Variants in STPG2 observed in about 807,000 individuals in gnomAD.
The protein encoded by STPG2 is sperm tail PG-rich repeat containing 2, also known as sperm-tail PG-rich repeat-containing protein 2.
Under a neutral mutation model 54.2 loss-of-function variants are expected in STPG2, and 56 were observed. The ratio of observed to expected loss-of-function variants is 1.03; its 90% confidence interval spans 0.83 to 1.29. The LOEUF (loss-of-function observed/expected upper bound fraction) is 1.29. Ranked by LOEUF, STPG2 falls within the 50% of genes most tolerant of loss-of-function variation. The pLI is 0.00. For synonymous variants in STPG2, 200 were observed against 181.8 expected (o/e 1.10, Z -0.81); for missense variants, 596 against 544.9 (o/e 1.09, Z -0.93).
intron 9 of STPG2, among the ~76,000 whole-genome samples, chr4:97,759,252 A>G (rs1329573867): frequency 6.6e-6 from 1 of 152,164 alleles, no homozygotes; most frequent in African/African-American, 2.4e-5. Flanking sequence ...TATTCTGAAC[A>G]CAAAAATTGG....
intron 7 of STPG2, among the ~76,000 whole-genome samples, chr4:97,965,192 T>C (rs1734049512): frequency 6.6e-6 from 1 of 152,260 alleles, no homozygotes; most frequent in Non-Finnish European, 1.5e-5. Context: ...GATTATCTCC[T>C]GTGCCTGGCT....
rs549003310 is a variant in STPG2, at chr4:98,059,921, T to C, written c.612+46032A>G. 3.9e-5 allele frequency among the ~76,000 whole-genome samples: 6 copies of C among 152,126 alleles called. No individual in the cohort carries two copies. In the South Asian group the frequency reaches 1.2e-3, roughly 31 times the overall value. Reference sequence around the variant, plus strand: ...TATTGAAGAAACATCCCTAAAATAATAAGAGCCATCTATGACAAACCCACA... The same window carrying C: ...TATTGAAGAAACATCCCTAAAATAACAAGAGCCATCTATGACAAACCCACA... On this transcript the variant is annotated intron_variant, in intron 5 of 10. Coordinates refer to ENST00000295268, the MANE Select transcript of STPG2 (RefSeq NM_174952.3).
Position 97,773,992 on chromosome 4 carries a change from A to AGG in STPG2, c.1205-61180_1205-61179dup, listed in dbSNP as rs1301591003. On this transcript the variant is annotated intron_variant, in intron 9 of 10. Coordinates refer to ENST00000295268, the MANE Select transcript of STPG2 (RefSeq NM_174952.3). ...TGGCAAGACTCTGCCTCTAAAATATAGGGTGTGTGTGTGTGTGTGTGTGTG... is the reference window on the plus strand; with the variant it reads ...TGGCAAGACTCTGCCTCTAAAATATAGGGGGTGTGTGTGTGTGTGTGTGTGTG... Among the ~76,000 whole-genome samples the AGG allele has an allele frequency of 9.8e-3, 793 of 81,044 alleles. 3 individuals carry two copies. Among genetic ancestry groups the AGG allele is most frequent in the Middle Eastern group, 0.037 (6 of 160 alleles). 53.2% of individuals were successfully genotyped at this position (81,044 alleles called of 152,430 possible). A position where few individuals can be genotyped will look rare whatever the true frequency, so the allele number is the denominator to read the frequency against.
intron 10 of STPG2, among the ~76,000 whole-genome samples, chr4:97,650,360 A>G (rs1560703117): frequency 6.6e-6 from 1 of 152,150 alleles, no homozygotes; most frequent in African/African-American, 2.4e-5. Context: ...TGAGCCAAAT[A>G]TGAGTGACCA....
chr4:97,677,721 C>T (rs969671340), intron 10 of STPG2, among the ~76,000 whole-genome samples: 3 of 152,200 alleles, frequency 2.0e-5, no homozygotes, highest in Non-Finnish European at 2.9e-5. Context: ...CCATCTTGAA[C>T]CGGAAGGGTG....
chr4:98,121,209 A>G lies in STPG2; in HGVS notation c.387+7219T>C, dbSNP rs191111950. On this transcript the variant is annotated intron_variant, in intron 3 of 10. Transcript: ENST00000295268. ...AGGTTTGTTGAAGATCAGATATGCA[A>G]TGTTATTTCTGAGTTCTATATTCTG... 4.3e-3 allele frequency among the ~76,000 whole-genome samples: 644 copies of G among 150,722 alleles called. 3 individuals are homozygous for G. The highest frequency in any genetic ancestry group is 0.025 in the South Asian group (120 of 4,806).
chr4:97,778,571 T>C (rs1726471783), intron 9 of STPG2, among the ~76,000 whole-genome samples: 1 of 152,116 alleles, frequency 6.6e-6, no homozygotes, highest in East Asian at 1.9e-4. Flanking sequence ...GTCTGACAGC[T>C]TTGAAGAGAG....
rs796828779 is a variant in STPG2, at chr4:97,585,115, A to C, written c.1321-25998T>G. Among the ~76,000 whole-genome samples the C allele has an allele frequency of 4.8e-3, 713 of 148,434 alleles. 18 individuals are homozygous for C. Among genetic ancestry groups the C allele is most frequent in the African/African-American group, 0.017 (662 of 39,664 alleles). On this transcript the variant is annotated intron_variant, in intron 10 of 10. Coordinates refer to ENST00000295268, the MANE Select transcript of STPG2 (RefSeq NM_174952.3). The stretch of plus-strand genomic sequence containing the variant: ...TAAAATATTCTCAAAAAAAAAAAAA[A>C]AAAAAAAAACAAAACTACAAGTTAA...
At chr4:97,678,017 G>T (rs1259458788) in intron 10 of STPG2, among the ~76,000 whole-genome samples, 1 of 151,424 alleles carries the variant, frequency 6.6e-6, no homozygotes, top group Non-Finnish European at 1.5e-5. Context: ...CTGTTCTTTG[G>T]GGAAAAAAGC....
In STPG2 at chr4:98,143,147, A is replaced by G. The variant is rs562047974; in HGVS notation, c.4T>C (p.Tyr2His). The change falls in exon 1 of 11, where the codon TAT (tyrosine) becomes CAT (histidine). Residue 2 changes from tyrosine to histidine, a missense_variant. Transcript: ENST00000295268. ...TTGAGCAGGCGGGGAGCCCGATCAT[A>G]CATAGTGCTCGGGGTGGTGGGGGCG... M[Y>H]DRAPRLLKLA... 19 of 1,612,658 alleles carry G rather than the reference A, an allele frequency of 1.2e-5. No homozygotes were observed. In the African/African-American group the frequency reaches 1.2e-4, roughly 10 times the overall value.
In STPG2 at chr4:97,559,078, T is replaced by G; in HGVS notation, c.1360A>C (p.Met454Leu). The change falls in exon 11 of 11, where the codon ATG becomes CTG. Residue 454 changes from methionine to leucine, a missense_variant. Physicochemically the swap from Met to Leu is conservative, Grantham distance 15 (BLOSUM62 2). Transcript: ENST00000295268. The part of the protein sequence containing the change: ...EKKKGNLIGE[M>L]AADIM ...TTATGTCACATTATATCAGCAGCCATTTCACCAATGAGATTTCCTTTCTTT... is the reference window on the plus strand; with the variant it reads ...TTATGTCACATTATATCAGCAGCCAGTTCACCAATGAGATTTCCTTTCTTT... 1 of 1,604,120 alleles carries G rather than the reference T, an allele frequency of 6.2e-7. No individual in the cohort carries two copies. Among genetic ancestry groups the G allele is most frequent in the African/African-American group, 1.3e-5 (1 of 74,600 alleles).
intron 5 of STPG2, among the ~76,000 whole-genome samples, chr4:98,090,639 C>T (rs917964837): frequency 8.5e-5 from 13 of 152,066 alleles, no homozygotes; most frequent in African/African-American, 3.1e-4. Context: ...CTGTAGATTG[C>T]TTTGCGCAAC....
chr4:98,061,833 T>G (rs1452860673), intron 5 of STPG2, among the ~76,000 whole-genome samples: 2 of 152,142 alleles, frequency 1.3e-5, no homozygotes. Context: ...AGGGAACACT[T>G]ATACACTGTT....
chr4:97,942,338 A>G (rs1450588444), intron 8 of STPG2, among the ~76,000 whole-genome samples: 1 of 151,992 alleles, frequency 6.6e-6, no homozygotes, highest in Non-Finnish European at 1.5e-5. Flanking sequence ...TTCACAATGG[A>G]TCCTGAGGTG....
At chr4:97,619,486 G>A (rs1410719249) in intron 10 of STPG2, among the ~76,000 whole-genome samples, 4 of 151,296 alleles carry the variant, frequency 2.6e-5, no homozygotes, top group African/African-American at 9.7e-5. Flanking sequence ...TTTGATTTGA[G>A]GGCTGATAGG....
At chr4:98,074,997 T>C (rs934670945) in intron 5 of STPG2, among the ~76,000 whole-genome samples, 2 of 152,222 alleles carry the variant, frequency 1.3e-5, no homozygotes, top group Non-Finnish European at 2.9e-5. Flanking sequence ...ATTTAATGTC[T>C]GTCTTGAGGT....
intron 5 of STPG2, among the ~76,000 whole-genome samples, chr4:98,005,214 T>A (rs576200381): frequency 6.6e-6 from 1 of 152,272 alleles, no homozygotes; most frequent in South Asian, 2.1e-4. Context: ...CTAGCCACAC[T>A]GGCAGCTGAT....
chr4:97,798,264 AT>A (rs1317749062), intron 9 of STPG2, among the ~76,000 whole-genome samples: 1 of 151,752 alleles, frequency 6.6e-6, no homozygotes, highest in Non-Finnish European at 1.5e-5. Flanking sequence ...AGTTCTTTTA[AT>A]TGTGATGTTA....
chr4:97,864,957 A>G (rs1254969440), intron 8 of STPG2, among the ~76,000 whole-genome samples: 4 of 152,224 alleles, frequency 2.6e-5, no homozygotes, highest in Non-Finnish European at 4.4e-5. Context: ...TGGATTAAAG[A>G]CTTAAATATT....
Sources: gnomAD v4.1 joint callset for allele counts (sites outside exome capture counted in the v4.1 genomes callset) on GRCh38, gnomAD v4.1.1 for gene constraint, MANE v1.5 for transcripts, NCBI Gene and HGNC (gene_info 2026-07-23, HGNC 2026-07-21) for gene names.